Variants in NEK1 observed in about 807,000 individuals in gnomAD.
The protein encoded by NEK1 is NIMA related kinase 1, also known as serine/threonine-protein kinase Nek1.
NEK1 carries 137 observed loss-of-function variants against 182.1 expected under a neutral mutation model. The ratio of observed to expected loss-of-function variants is 0.75; its 90% CI spans 0.65 to 0.87. The LOEUF (loss-of-function observed/expected upper bound fraction) is 0.87, where lower values mean the gene tolerates loss of function less well. Ranked by LOEUF, NEK1 falls within the 40% of genes least tolerant of loss-of-function variation. The pLI, the probability that NEK1 is intolerant of heterozygous loss-of-function variation, is 0.00. For missense variants in NEK1, 1,391 were observed against 1,494.4 expected, an observed-to-expected ratio of 0.93 and a Z score of 1.14; for synonymous variants, 513 against 492.2, an observed-to-expected ratio of 1.04 and a Z score of -0.56.
At chr4:169,500,121 C>G (rs1245980012) in intron 23 of NEK1, among the ~76,000 whole-genome samples, 1 of 152,218 alleles carries the variant, frequency 6.6e-6, no homozygotes, top group East Asian at 1.9e-4. Flanking sequence ...CCCCCAGCCT[C>G]GCTGCCGCCT....
intron 10 of NEK1, among the ~76,000 whole-genome samples, chr4:169,584,622 T>TA (rs1561461658): frequency 6.6e-6 from 1 of 151,950 alleles, no homozygotes; most frequent in African/African-American, 2.4e-5. Context: ...AAAAATAATT[T>TA]AAAAAAAATT....
chr4:169,538,366 A>C (rs1343924078), intron 18 of NEK1, among the ~76,000 whole-genome samples: 2 of 152,172 alleles, frequency 1.3e-5, no homozygotes, highest in Non-Finnish European at 2.9e-5. Context: ...ATTTTCAAAA[A>C]TACAGTAAAA....
intron 31 of NEK1, among the ~76,000 whole-genome samples, chr4:169,423,268 A>G (rs1007497183): frequency 6.6e-6 from 1 of 152,144 alleles, no homozygotes; most frequent in Non-Finnish European, 1.5e-5. Flanking sequence ...ACGCCCAGCT[A>G]ATTTTTGTAT....
intron 27 of NEK1, among the ~76,000 whole-genome samples, chr4:169,452,514 C>G (rs1180791320): frequency 6.6e-6 from 1 of 152,176 alleles, no homozygotes; most frequent in Admixed American, 6.5e-5. Flanking sequence ...TCAACGTACA[C>G]AAATCAATAA....
chr4:169,543,209 T>TA (rs1265910397), intron 18 of NEK1, among the ~76,000 whole-genome samples: 1 of 152,202 alleles, frequency 6.6e-6, no homozygotes, highest in African/African-American at 2.4e-5. Context: ...TGCATATGGC[T>TA]AGCCAGTTTT....
At chr4:169,511,974 G>A (rs938754802) in intron 19 of NEK1, among the ~76,000 whole-genome samples, 8 of 152,094 alleles carry the variant, frequency 5.3e-5, no homozygotes, top group African/African-American at 1.9e-4. Flanking sequence ...ATTCCATGGG[G>A]TGGATATAGT....
chr4:169,424,933 G>A (rs1736115657), intron 30 of NEK1, 133 bp from the exon 31 acceptor site: 1 of 817,534 alleles, frequency 1.2e-6, no homozygotes. Context: ...ATCAAAATAT[G>A]TGTGTCAGTA....
At chr4:169,571,645 C>T (rs73864714) in intron 12 of NEK1, among the ~76,000 whole-genome samples, 1,986 of 152,136 alleles carry the variant, frequency 0.013, 35 homozygotes, top group African/African-American at 0.045. Context: ...AAGGCTGTAC[C>T]GGGACTAGCA....
chr4:169,569,490 CTCCCCATGG>C (rs1252835894), intron 12 of NEK1, among the ~76,000 whole-genome samples: 16 of 143,364 alleles, frequency 1.1e-4, no homozygotes, highest in African/African-American at 2.9e-4. Context: ...CTCTCTCCCT[CTCCCCATGG>C]TCTCCCTCTC....
At position 169,433,598 on chromosome 4, in the gene NEK1, T is replaced by C. The variant is rs2149410409; in HGVS notation, c.2832A>G (p.Pro944=). ...TAATCCACACATCAGTAATAGTGCA[T>C]GGCAAGCTCTCATCTTTGTTTGTTC... ...PSGTNKDESL[P]CTITDVWISE... The change falls in exon 29 of 36, where the codon CCA becomes CCG. Residue 944 remains proline (P), a synonymous_variant. Coordinates refer to ENST00000507142, the MANE Select transcript of NEK1 (RefSeq NM_001199397.3). The C allele has an allele frequency of 6.2e-7, 1 of 1,613,438 alleles. No individual in the cohort carries two copies. The highest frequency in any genetic ancestry group is 8.5e-7 in the Non-Finnish European group (1 of 1,179,530).
Position 169,558,209 on chromosome 4 carries a change from G to T in NEK1, c.1267-2114C>A, listed in dbSNP as rs547989060. ...CCATTTCTCTTTAGCAAAAACAAAAGTAGGTAAACATCTCAGAAGATGCTC... is the reference window on the plus strand; with the variant it reads ...CCATTTCTCTTTAGCAAAAACAAAATTAGGTAAACATCTCAGAAGATGCTC... On this transcript the variant is annotated intron_variant, in intron 16 of 35. Transcript: ENST00000507142. 2.3e-4 allele frequency among the ~76,000 whole-genome samples: 35 copies of T among 152,240 alleles called. No homozygotes were observed. In the South Asian group the frequency reaches 7.1e-3, roughly 31 times the overall value.
At chr4:169,570,290 G>A (rs527408970) in intron 12 of NEK1, among the ~76,000 whole-genome samples, 85 of 151,410 alleles carry the variant, frequency 5.6e-4, no homozygotes, top group Non-Finnish European at 1.1e-3. Flanking sequence ...GAGCCCCTCC[G>A]CCCAGCAGCC....
At chr4:169,425,465 C>T (rs968860385) in intron 30 of NEK1, among the ~76,000 whole-genome samples, 1 of 151,224 alleles carries the variant, frequency 6.6e-6, no homozygotes, top group African/African-American at 2.4e-5. Flanking sequence ...AGACATAAAT[C>T]CAAAGAAAGG....
At chr4:169,450,895 C>T (rs1741599622) in intron 27 of NEK1, among the ~76,000 whole-genome samples, 1 of 152,146 alleles carries the variant, frequency 6.6e-6, no homozygotes, top group Non-Finnish European at 1.5e-5. Flanking sequence ...AGACCCATCT[C>T]ACGTGCAAAG....
At chr4:169,511,443 C>T (rs1754163697) in intron 19 of NEK1, among the ~76,000 whole-genome samples, 1 of 152,024 alleles carries the variant, frequency 6.6e-6, no homozygotes, top group Non-Finnish European at 1.5e-5. Context: ...ATGATAACTT[C>T]CTTTCATGAT....
intron 27 of NEK1, among the ~76,000 whole-genome samples, chr4:169,453,758 C>T (rs939122887): frequency 6.6e-6 from 1 of 152,226 alleles, no homozygotes; most frequent in African/African-American, 2.4e-5. Context: ...AGAAACAATG[C>T]TAATGACTGG....
chr4:169,595,806 C>G (rs1008882008), intron 5 of NEK1, among the ~76,000 whole-genome samples: 7 of 151,496 alleles, frequency 4.6e-5, no homozygotes, highest in Admixed American at 2.6e-4. Context: ...GCCTGTAGTC[C>G]CTGCTACTCA....
At chr4:169,483,869 A>C (rs1748564670) in intron 23 of NEK1, among the ~76,000 whole-genome samples, 1 of 126,070 alleles carries the variant, frequency 7.9e-6, no homozygotes, top group Admixed American at 7.3e-5. Flanking sequence ...CTGTCTCAAA[A>C]AAAAAAAAAA....
intron 2 of NEK1, among the ~76,000 whole-genome samples, chr4:169,604,993 A>C (rs1273974569): frequency 6.6e-6 from 1 of 152,248 alleles, no homozygotes; most frequent in Non-Finnish European, 1.5e-5. Flanking sequence ...TGATTTTTCC[A>C]GAACATGAAT....
Sources: allele counts gnomAD v4.1 joint callset (sites outside exome capture counted in the v4.1 genomes callset), GRCh38; gene constraint gnomAD v4.1.1; transcripts MANE v1.5; gene names NCBI Gene and HGNC (gene_info 2026-07-23, HGNC 2026-07-21).